Variants in MVB12B observed in about 807,000 individuals in gnomAD.
MVB12B encodes multivesicular body subunit 12B.
A neutral mutation model predicts 41.6 loss-of-function variants in MVB12B; 16 were observed. The observed-to-expected ratio is 0.38, with a 90% CI of 0.26 to 0.58. MVB12B has a LOEUF of 0.58. Ranked by LOEUF, MVB12B falls within the 20% of genes least tolerant of loss-of-function variation. The pLI is 0.62. For synonymous variants in MVB12B, 133 were observed against 139.7 expected (o/e 0.95, Z 0.34); for missense variants, 274 against 380.2 (o/e 0.72, Z 2.32).
At chr9:126,465,031 G>T (rs1833169863) in intron 7 of MVB12B, among the ~76,000 whole-genome samples, 1 of 152,218 alleles carries the variant, frequency 6.6e-6, no homozygotes, top group African/African-American at 2.4e-5. Flanking sequence ...TTTGGTTTCA[G>T]GGGAGGAAAG....
intron 9 of MVB12B, among the ~76,000 whole-genome samples, chr9:126,495,990 C>G (rs957777926): frequency 6.6e-6 from 1 of 151,864 alleles, no homozygotes; most frequent in Non-Finnish European, 1.5e-5. Context: ...GTTACTGTAC[C>G]ATGGGATGGG....
intron 7 of MVB12B, among the ~76,000 whole-genome samples, chr9:126,440,896 A>T (rs1412588239): frequency 2.0e-5 from 3 of 152,268 alleles, no homozygotes; most frequent in African/African-American, 7.2e-5. Context: ...ATAACTAGCT[A>T]ATAACAGCTA....
Position 126,476,693 on chromosome 9 carries a change from G to A in MVB12B, c.758-4676G>A, listed in dbSNP as rs1340834004. Among the ~76,000 whole-genome samples, 8 of 151,912 alleles carry A rather than the reference G, an allele frequency of 5.3e-5. No homozygotes were observed. In the South Asian group the frequency reaches 6.2e-4, roughly 12 times the overall value. The stretch of plus-strand genomic sequence containing the variant: ...AGATCGAGACCATCCTGGCTAACAC[G>A]GTGAAACCCTGTATCTACTAAAAAT... On this transcript the variant is annotated intron_variant, in intron 7 of 9. Transcript: ENST00000361171.
rs367572931 is a variant in MVB12B, at chr9:126,473,657, C to T, written c.758-7712C>T. ...CACGCCTTTAAACAACCAGATCTCG[C>T]GAGGACTCACTCGCTATCACAAGGA... On this transcript the variant is annotated intron_variant, in intron 7 of 9. Coordinates refer to ENST00000361171, the MANE Select transcript of MVB12B (RefSeq NM_033446.3). This position sits in a 1 kb window ranked among gnomAD's most constrained non-coding sequence, Gnocchi z 4.0. Among the ~76,000 whole-genome samples, 1 of 152,160 alleles carries T rather than the reference C, an allele frequency of 6.6e-6. No individual in the cohort carries two copies. The highest frequency in any genetic ancestry group is 2.4e-5 in the African/African-American group (1 of 41,428).
At chr9:126,470,883 G>T (rs1037464565) in intron 7 of MVB12B, among the ~76,000 whole-genome samples, 1 of 152,212 alleles carries the variant, frequency 6.6e-6, no homozygotes, top group East Asian at 1.9e-4. Flanking sequence ...GGTAGAAAAA[G>T]GTCAACCGTG....
chr9:126,487,307 G>A (rs1051825651), intron 9 of MVB12B, among the ~76,000 whole-genome samples: 9 of 152,288 alleles, frequency 5.9e-5, no homozygotes, highest in East Asian at 1.9e-4. Flanking sequence ...AGCCACCACC[G>A]TCACCATCGT....
intron 7 of MVB12B, among the ~76,000 whole-genome samples, chr9:126,439,309 TG>T (rs1211312572): frequency 1.4e-5 from 2 of 142,602 alleles, no homozygotes; most frequent in Non-Finnish European, 1.5e-5. Context: ...CAGGGTCTGC[TG>T]GGGGTGGGGG....
intron 2 of MVB12B, among the ~76,000 whole-genome samples, chr9:126,362,747 G>A (rs1422847627): frequency 2.4e-4 from 36 of 152,158 alleles, no homozygotes; most frequent in Non-Finnish European, 4.4e-5. Flanking sequence ...AAAAAAGATT[G>A]GACGCTTCTT....
rs572496847 is a variant in MVB12B at position 126,478,297 on chromosome 9, G to A, written c.758-3072G>A. ...GCAGTGAGCAGGGTCCCCAGGTCCT[G>A]AGAGAGTTAGGCACTTGCCCCAGGC... On this transcript the variant is annotated intron_variant, in intron 7 of 9. Transcript: ENST00000361171. This position sits in a 1 kb window ranked among gnomAD's most constrained non-coding sequence, Gnocchi z 4.2. Among the ~76,000 whole-genome samples the A allele has an allele frequency of 9.2e-5, 14 of 152,260 alleles. No individual in the cohort carries two copies. The highest frequency in any genetic ancestry group is 1.9e-4 in the Non-Finnish European group (13 of 68,004).
intron 6 of MVB12B, among the ~76,000 whole-genome samples, chr9:126,411,175 C>T (rs1831637630): frequency 6.6e-6 from 1 of 152,230 alleles, no homozygotes; most frequent in Non-Finnish European, 1.5e-5. Flanking sequence ...GCATGAGCCA[C>T]CACACCCAGT....
At chr9:126,461,464 G>A (rs533010863) in intron 7 of MVB12B, among the ~76,000 whole-genome samples, 95 of 152,120 alleles carry the variant, frequency 6.2e-4, no homozygotes, top group Non-Finnish European at 8.5e-4. Context: ...AACCCAGCTC[G>A]CCTATCTCAA....
Position 126,486,981 on chromosome 9 carries a change from T to C in MVB12B, c.873+2949T>C, listed in dbSNP as rs1833632822. ...GCGGGTGGTGGGAACCCTGCAAACC[T>C]TATTCTCTTCCCCACTCTAAGGACT... is the stretch of plus-strand genomic sequence containing the variant. On this transcript the variant is annotated intron_variant, in intron 9 of 9. Transcript: ENST00000361171. The surrounding 1 kb of genome is among the most constrained non-coding windows in gnomAD (Gnocchi z 4.7). 6.6e-6 allele frequency among the ~76,000 whole-genome samples: 1 copy of C among 151,064 alleles called. No homozygotes were observed. Among genetic ancestry groups the C allele is most frequent in the South Asian group, 2.1e-4 (1 of 4,796 alleles).
chr9:126,405,321 C>T (rs116552230), intron 6 of MVB12B, among the ~76,000 whole-genome samples: 83 of 151,922 alleles, frequency 5.5e-4, no homozygotes, highest in African/African-American at 1.9e-3. Context: ...CGCGAGTGCA[C>T]GAGGGCTCTT....
intron 7 of MVB12B, 132 bp from the exon 8 acceptor site, chr9:126,481,237 A>T: frequency 3.8e-6 from 3 of 786,540 alleles, no homozygotes; most frequent in Non-Finnish European, 6.5e-6. Flanking sequence ...GCTCCAGCAC[A>T]TCTGTGCTGG....
chr9:126,394,731 T>C (rs1224272500), intron 5 of MVB12B, among the ~76,000 whole-genome samples: 1 of 152,220 alleles, frequency 6.6e-6, no homozygotes, highest in Non-Finnish European at 1.5e-5. Flanking sequence ...ATTGTGGTTT[T>C]ACATGGTTCC....
rs1830992716 is a variant in MVB12B, at chr9:126,392,623, G to A, written c.539+428G>A. Among the ~76,000 whole-genome samples the A allele has an allele frequency of 6.6e-6, 1 of 152,242 alleles. No homozygotes were observed. The highest frequency in any genetic ancestry group is 2.1e-4 in the South Asian group (1 of 4,834). On this transcript the variant is annotated intron_variant, in intron 5 of 9. Transcript: ENST00000361171. This position sits in a 1 kb window ranked among gnomAD's most constrained non-coding sequence, Gnocchi z 4.8. ...CTGATGTTCTAAAAGGGACAGACGA[G>A]CAATAAACAAGAAAATAAATGAGAT... is the stretch of plus-strand genomic sequence containing the variant.
chr9:126,433,082 C>T (rs1455366735), intron 7 of MVB12B, among the ~76,000 whole-genome samples: 1 of 152,190 alleles, frequency 6.6e-6, no homozygotes, highest in Non-Finnish European at 1.5e-5. Context: ...AGCCCAAGGC[C>T]TCCTTACTTA....
chr9:126,443,091 A>G (rs1160861707), intron 7 of MVB12B, among the ~76,000 whole-genome samples: 41 of 152,200 alleles, frequency 2.7e-4, no homozygotes, highest in Admixed American at 2.7e-3. Flanking sequence ...TCTTCAACCC[A>G]TCAAGAGTTT....
chr9:126,332,456 A>G (rs1042522268), intron 1 of MVB12B, among the ~76,000 whole-genome samples: 1 of 152,210 alleles, frequency 6.6e-6, no homozygotes, highest in South Asian at 2.1e-4. Flanking sequence ...TCCTGCAGCC[A>G]GCCTGGGCAC....
Sources: allele counts gnomAD v4.1 joint callset (sites outside exome capture counted in the v4.1 genomes callset), GRCh38; gene constraint gnomAD v4.1.1; non-coding constraint Gnocchi (gnomAD v3.1); transcripts MANE v1.5; gene names NCBI Gene and HGNC (gene_info 2026-07-23, HGNC 2026-07-21).